Variants in TRIM9 observed in about 807,000 individuals in gnomAD.
TRIM9 encodes tripartite motif containing 9, also known as E3 ubiquitin-protein ligase TRIM9.
TRIM9 carries 26 observed loss-of-function variants against 78.3 expected under a neutral mutation model. That is an observed-to-expected ratio of 0.33 (90% CI 0.24 to 0.46). The LOEUF (loss-of-function observed/expected upper bound fraction) is 0.46. Among genes scored for constraint, TRIM9 ranks in the 20% least tolerant of loss-of-function variants. The pLI is 1.00. For synonymous variants in TRIM9, 398 were observed against 416.5 expected (o/e 0.96, Z 0.54); for missense variants, 787 against 1,036.4 (o/e 0.76, Z 3.30).
At chr14:51,077,042 A>C (rs1437413094) in intron 1 of TRIM9, among the ~76,000 whole-genome samples, 2 of 152,138 alleles carry the variant, frequency 1.3e-5, no homozygotes, top group Non-Finnish European at 2.9e-5. Context: ...CTTAACAGAG[A>C]CTGGTTAAGC....
chr14:50,994,246 A>G (rs2053910437), intron 7 of TRIM9, among the ~76,000 whole-genome samples: 1 of 152,208 alleles, frequency 6.6e-6, no homozygotes, highest in Non-Finnish European at 1.5e-5. Context: ...TCTCTACAAA[A>G]AATTTAAAAA....
At chr14:51,023,259 T>C (rs1410319993) in intron 2 of TRIM9, among the ~76,000 whole-genome samples, 1 of 152,216 alleles carries the variant, frequency 6.6e-6, no homozygotes, top group African/African-American at 2.4e-5. Context: ...ATGAATGTTT[T>C]TGAGGGCCAC....
rs79808525 is a variant in TRIM9 at position 51,076,769 on chromosome 14, A to G, written c.822+17349T>C. ...TCTCCATTTTCCAGATGAGAAAACT[A>G]AAGCACAGAGAGGTCAAATAACTAA... On this transcript the variant is annotated intron_variant, in intron 1 of 12. Coordinates refer to ENST00000684578, the MANE Select transcript of TRIM9 (RefSeq NM_001387360.1). Among the ~76,000 whole-genome samples the G allele has an allele frequency of 8.9e-3, 1,354 of 152,312 alleles. 30 individuals carry two copies. Among genetic ancestry groups the G allele is most frequent in the African/African-American group, 0.031 (1,284 of 41,556 alleles).
chr14:51,059,490 C>CAAAA (rs1463307351), intron 1 of TRIM9, among the ~76,000 whole-genome samples: 1 of 151,794 alleles, frequency 6.6e-6, no homozygotes, highest in African/African-American at 2.4e-5. Flanking sequence ...AAAAACAAAA[C>CAAAA]AAAACAAAAC....
intron 4 of TRIM9, among the ~76,000 whole-genome samples, chr14:51,009,762 T>C (rs1001565188): frequency 6.6e-6 from 1 of 152,204 alleles, no homozygotes; most frequent in African/African-American, 2.4e-5. Context: ...ATTCAATCGC[T>C]TTCTGTCACT....
chr14:51,007,502 T>C (rs1287520842), intron 5 of TRIM9, among the ~76,000 whole-genome samples: 1 of 152,210 alleles, frequency 6.6e-6, no homozygotes, highest in Non-Finnish European at 1.5e-5. Flanking sequence ...AACTAGAAGT[T>C]GTAGGAGTTG....
At chr14:50,992,517 G>A (rs891516026) in intron 7 of TRIM9, among the ~76,000 whole-genome samples, 9 of 152,056 alleles carry the variant, frequency 5.9e-5, no homozygotes, top group Admixed American at 5.2e-4. Context: ...AGGTTACAGT[G>A]AGCCACGATC....
chr14:51,041,925 C>T (rs2059607077), intron 1 of TRIM9, among the ~76,000 whole-genome samples: 1 of 152,108 alleles, frequency 6.6e-6, no homozygotes, highest in South Asian at 2.1e-4. Flanking sequence ...AAACTGAATT[C>T]CATGTAACCT....
chr14:51,022,824 G>GC lies in TRIM9; in HGVS notation c.1041+10dup, dbSNP rs2057886793. 6.2e-7 allele frequency: 1 copy of GC among 1,613,886 alleles called. No individual in the cohort carries two copies. The highest frequency in any genetic ancestry group is 1.1e-5 in the South Asian group (1 of 91,074). Reference sequence around the variant, plus strand: ...GTTGGCTTTCTGCTCTTCCCATGATGCAGCACTCACCTTCAGCTTGTGCTC... The same window carrying GC: ...GTTGGCTTTCTGCTCTTCCCATGATGCCAGCACTCACCTTCAGCTTGTGCTC... On this transcript the variant is annotated intron_variant, in intron 3 of 12. Transcript: ENST00000684578.
At chr14:51,063,859 G>A (rs4077264) in intron 1 of TRIM9, among the ~76,000 whole-genome samples, 29,947 of 151,920 alleles carry the variant, frequency 0.2, 3,127 homozygotes, top group Non-Finnish European at 0.24. Flanking sequence ...AGTGTCAAGC[G>A]GATTGAAACA....
intron 1 of TRIM9, among the ~76,000 whole-genome samples, chr14:51,065,954 G>A (rs535172088): frequency 3.1e-4 from 47 of 151,880 alleles, no homozygotes; most frequent in African/African-American, 1.1e-3. Flanking sequence ...TTTCTGAGCC[G>A]TTAGTCCCAG....
rs1176425359 is a variant in TRIM9 at position 51,094,878 on chromosome 14, A to G, written c.62T>C (p.Ile21Thr). 6.6e-7 allele frequency: 1 copy of G among 1,517,814 alleles called. No homozygotes were observed. Among genetic ancestry groups the G allele is most frequent in the Non-Finnish European group, 8.8e-7 (1 of 1,136,504 alleles). 94.0% of individuals were successfully genotyped at this position (1,517,814 alleles called of 1,614,324 possible). Residue 21 changes from isoleucine (I) to threonine (T), a missense_variant, in exon 1 of 13, where the codon ATC becomes ACC. This residue lies in a region of TRIM9 where 352 missense variants were observed against 472.3 expected (regional missense o/e 0.75). Coordinates refer to ENST00000684578, the MANE Select transcript of TRIM9 (RefSeq NM_001387360.1). ...PVCGSFYREPIILPCSHNLCQ... is the reference protein window; with the variant it reads ...PVCGSFYREPTILPCSHNLCQ... ...CAAATTGTGAGAGCAGGGCAGGATG[A>G]TGGGCTCCCGATAGAAGGAGCCGCA...
intron 7 of TRIM9, among the ~76,000 whole-genome samples, chr14:50,994,655 C>T (rs1566555853): frequency 6.6e-6 from 1 of 152,112 alleles, no homozygotes; most frequent in Non-Finnish European, 1.5e-5. Flanking sequence ...AACAGGAGTA[C>T]AGCTTGTCTC....
chr14:51,069,488 C>T (rs1345366692), intron 1 of TRIM9, among the ~76,000 whole-genome samples: 8 of 152,160 alleles, frequency 5.3e-5, no homozygotes, highest in African/African-American at 1.9e-4. Context: ...ATTGCCCATC[C>T]CCAAATGTCA....
At chr14:51,051,028 T>G (rs141289685) in intron 1 of TRIM9, among the ~76,000 whole-genome samples, 1 of 152,198 alleles carries the variant, frequency 6.6e-6, no homozygotes, top group Non-Finnish European at 1.5e-5. Flanking sequence ...TAATGAGTTG[T>G]TTTTAGTTAT....
intron 1 of TRIM9, among the ~76,000 whole-genome samples, chr14:51,031,425 C>T (rs1407996562): frequency 6.6e-6 from 1 of 152,182 alleles, no homozygotes; most frequent in Non-Finnish European, 1.5e-5. Context: ...CTCTATCTGC[C>T]AGTCTCTGTG....
chr14:51,039,206 T>A, intron 1 of TRIM9, among the ~76,000 whole-genome samples: 1 of 152,198 alleles, frequency 6.6e-6, no homozygotes, highest in East Asian at 1.9e-4. Flanking sequence ...ACATGGAACA[T>A]CTAGACCCTC....
chr14:50,982,917 G>C, intron 10 of TRIM9, 25 bp downstream of exon 10: 1 of 1,540,988 alleles, frequency 6.5e-7, no homozygotes, highest in Non-Finnish European at 8.8e-7. Flanking sequence ...TTGCTATTTG[G>C]TAACAGAATA....
chr14:51,087,761 T>G (rs1481527878), intron 1 of TRIM9, among the ~76,000 whole-genome samples: 1 of 152,234 alleles, frequency 6.6e-6, no homozygotes, highest in Non-Finnish European at 1.5e-5. Flanking sequence ...AGAGCAATAT[T>G]AAAGTTTTAA....
Sources: allele counts gnomAD v4.1 joint callset (sites outside exome capture counted in the v4.1 genomes callset), GRCh38; gene constraint gnomAD v4.1.1; regional missense constraint gnomAD v4.1.1; transcripts MANE v1.5; gene names NCBI Gene and HGNC (gene_info 2026-07-23, HGNC 2026-07-21).